GRM7: variants seen among roughly 807,000 people sequenced by gnomAD.
GRM7 encodes the protein glutamate metabotropic receptor 7.
In GRM7, 35 loss-of-function variants were observed where a neutral mutation model predicts 84.5. The observed-to-expected ratio is 0.41, with a 90% CI of 0.32 to 0.55. GRM7 has a LOEUF of 0.55. Ranked by LOEUF, GRM7 falls within the 20% of genes least tolerant of loss-of-function variation. The pLI is 0.19. For synonymous variants in GRM7, 487 were observed against 455.1 expected, an observed-to-expected ratio of 1.07 and a Z score of -0.89; for missense variants, 1,003 against 1,194.6, an observed-to-expected ratio of 0.84 and a Z score of 2.36.
intron 1 of GRM7, among the ~76,000 whole-genome samples, chr3:6,976,485 G>T (rs577743953): frequency 6.6e-6 from 1 of 152,272 alleles, no homozygotes; most frequent in South Asian, 2.1e-4. Context: ...GCACTTTATT[G>T]TTCCAGTGTT....
intron 6 of GRM7, among the ~76,000 whole-genome samples, chr3:7,456,698 T>C (rs897678741): frequency 2.7e-5 from 4 of 150,942 alleles, no homozygotes; most frequent in East Asian, 3.9e-4. Context: ...TCTCTCTCTT[T>C]TTTTTTTTGT....
chr3:7,385,177 G>T (rs1335190292), intron 4 of GRM7, among the ~76,000 whole-genome samples: 3 of 149,570 alleles, frequency 2.0e-5, no homozygotes, highest in African/African-American at 7.4e-5. Context: ...CATTATATTT[G>T]ACAATATAGA....
intron 9 of GRM7, among the ~76,000 whole-genome samples, chr3:7,705,188 G>T (rs377212362): frequency 6.6e-6 from 1 of 152,092 alleles, no homozygotes; most frequent in African/African-American, 2.4e-5. Context: ...GAATGTGAAG[G>T]CCTTTTTGAA....
intron 4 of GRM7, among the ~76,000 whole-genome samples, chr3:7,353,421 G>A (rs1312533789): frequency 6.6e-6 from 1 of 152,074 alleles, no homozygotes; most frequent in African/African-American, 2.4e-5. Flanking sequence ...CTGGATCAGT[G>A]TTGCAGCCGG....
intron 8 of GRM7, among the ~76,000 whole-genome samples, chr3:7,676,041 T>C (rs929876589): frequency 3.3e-5 from 5 of 152,042 alleles, no homozygotes; most frequent in African/African-American, 1.2e-4. Flanking sequence ...AGTGGCGTGA[T>C]CGTGATCTTG....
chr3:6,967,258 A>T (rs1693558100), intron 1 of GRM7, among the ~76,000 whole-genome samples: 1 of 152,126 alleles, frequency 6.6e-6, no homozygotes, highest in Non-Finnish European at 1.5e-5. Context: ...ACACAATCAC[A>T]GCTCACTCAC....
chr3:7,430,122 T>A (rs1045750429), intron 5 of GRM7, among the ~76,000 whole-genome samples: 1 of 152,122 alleles, frequency 6.6e-6, no homozygotes, highest in Non-Finnish European at 1.5e-5. Flanking sequence ...TTATCTCAAA[T>A]AAATAAGTAA....
chr3:6,927,511 AAGAAAG>A (rs1356253193), intron 1 of GRM7, among the ~76,000 whole-genome samples: 24 of 150,870 alleles, frequency 1.6e-4, no homozygotes, highest in African/African-American at 5.8e-4. Flanking sequence ...GAAAGAAAGA[AAGAAAG>A]AAGAGAAAAG....
intron 1 of GRM7, among the ~76,000 whole-genome samples, chr3:7,037,877 C>T (rs1052910128): frequency 1.3e-5 from 2 of 152,096 alleles, no homozygotes; most frequent in Non-Finnish European, 2.9e-5. Context: ...TTCCAAGTCC[C>T]TAGTTATTAA....
At chr3:7,382,559 G>T (rs1694631191) in intron 4 of GRM7, among the ~76,000 whole-genome samples, 2 of 152,118 alleles carry the variant, frequency 1.3e-5, no homozygotes, top group Admixed American at 6.6e-5. Flanking sequence ...TTCATGTTTT[G>T]TTCCCTCATG....
chr3:6,993,558 T>C (rs1694723974), intron 1 of GRM7, among the ~76,000 whole-genome samples: 1 of 152,216 alleles, frequency 6.6e-6, no homozygotes, highest in South Asian at 2.1e-4. Context: ...GCTTGTACTG[T>C]AGTTGGTGAT....
At chr3:7,269,634 G>C (rs1325140699) in intron 2 of GRM7, among the ~76,000 whole-genome samples, 1 of 152,170 alleles carries the variant, frequency 6.6e-6, no homozygotes, top group African/African-American at 2.4e-5. Flanking sequence ...AGGCCTTAGG[G>C]TGCCAGGCTG....
At position 7,257,071 on chromosome 3, in the gene GRM7, G is replaced by C. The variant is rs190456082; in HGVS notation, c.737-41613G>C. 2.3e-3 allele frequency among the ~76,000 whole-genome samples: 347 copies of C among 152,232 alleles called. 1 individual carries two copies. The highest frequency in any genetic ancestry group is 8.0e-3 in the African/African-American group (333 of 41,544). On this transcript the variant is annotated intron_variant, in intron 2 of 9. Transcript: ENST00000357716. ...TCCCATTTCCTGCCTCCAATTTTAA[G>C]GTTCAGTACACTCACTAAAATAGGT...
chr3:7,301,526 T>A lies in GRM7; in HGVS notation c.878+2701T>A, dbSNP rs376479648. Reference sequence around the variant, plus strand: ...TTTTAAATAGATTGCACAAGGCACATAAAAGATGTATGGCAATTAGTTCTG... The same window carrying A: ...TTTTAAATAGATTGCACAAGGCACAAAAAAGATGTATGGCAATTAGTTCTG... On this transcript the variant is annotated intron_variant, in intron 3 of 9. Coordinates refer to ENST00000357716, the MANE Select transcript of GRM7 (RefSeq NM_000844.4). Among the ~76,000 whole-genome samples, 77 of 152,298 alleles carry A rather than the reference T, an allele frequency of 5.1e-4. 4 individuals are homozygous for A. The South Asian group carries it at 0.012, about 23-fold the overall frequency.
chr3:7,474,537 A>G (rs1169429865), intron 7 of GRM7, among the ~76,000 whole-genome samples: 5 of 152,072 alleles, frequency 3.3e-5, no homozygotes, highest in Non-Finnish European at 4.4e-5. Context: ...TTGTGCACAT[A>G]CATAAATGAG....
chr3:7,076,506 C>T (rs908832003), intron 1 of GRM7, among the ~76,000 whole-genome samples: 1 of 152,152 alleles, frequency 6.6e-6, no homozygotes, highest in Non-Finnish European at 1.5e-5. Flanking sequence ...CTTGCTTCCC[C>T]TTCACCTTCC....
intron 2 of GRM7, among the ~76,000 whole-genome samples, chr3:7,228,419 G>A (rs1024278951): frequency 6.6e-6 from 1 of 152,150 alleles, no homozygotes; most frequent in Admixed American, 6.5e-5. Context: ...TAAAACAGGT[G>A]GAGAAACAGG....
chr3:7,186,380 A>T (rs929559408), intron 2 of GRM7, among the ~76,000 whole-genome samples: 1 of 152,220 alleles, frequency 6.6e-6, no homozygotes, highest in African/African-American at 2.4e-5. Flanking sequence ...CATACAGTGG[A>T]TTAAAAAATG....
At chr3:7,453,819 C>T (rs941819362) in intron 6 of GRM7, among the ~76,000 whole-genome samples, 1 of 152,090 alleles carries the variant, frequency 6.6e-6, no homozygotes, top group Non-Finnish European at 1.5e-5. Flanking sequence ...GCGGGAATAC[C>T]TGGTGAGGCC....
Sources: gnomAD v4.1 joint callset for allele counts (sites outside exome capture counted in the v4.1 genomes callset) on GRCh38, gnomAD v4.1.1 for gene constraint, MANE v1.5 for transcripts, NCBI Gene and HGNC (gene_info 2026-07-23, HGNC 2026-07-21) for gene names.